The following NCAPD3 variants were observed in gnomAD, a reference collection of about 807,000 sequenced individuals.
The protein encoded by NCAPD3 is non-SMC condensin II complex subunit D3.
NCAPD3 carries 105 observed loss-of-function variants against 182.9 expected under a neutral mutation model. The observed-to-expected ratio is 0.57, with a 90% CI of 0.49 to 0.68. The LOEUF (loss-of-function observed/expected upper bound fraction) is 0.68, where lower values mean the gene tolerates loss of function less well. Among genes scored for constraint, NCAPD3 ranks in the 30% least tolerant of loss-of-function variants. The pLI, the probability that NCAPD3 is intolerant of heterozygous loss-of-function variation, is 0.00. For synonymous variants in NCAPD3, 815 were observed against 679.9 expected (o/e 1.20, Z -3.09); for missense variants, 1,944 against 1,837.0 (o/e 1.06, Z -1.07).
intron 3 of NCAPD3, among the ~76,000 whole-genome samples, chr11:134,213,075 C>T (rs1591863062): frequency 6.6e-6 from 1 of 152,172 alleles, no homozygotes; most frequent in African/African-American, 2.4e-5. Context: ...TGCTTACAAT[C>T]CCAGCCCTTT....
intron 32 of NCAPD3, among the ~76,000 whole-genome samples, chr11:134,156,454 C>T (rs775723191): frequency 1.1e-4 from 17 of 152,168 alleles, no homozygotes; most frequent in Non-Finnish European, 2.2e-4. Context: ...CAATATGAAG[C>T]TATCACACAA....
rs1358335735 is a variant in NCAPD3 at position 134,153,236 on chromosome 11, C to T, written c.4328-36G>A. 61 of 1,613,840 alleles carry T rather than the reference C, an allele frequency of 3.8e-5. 1 individual carries two copies. In the East Asian group the frequency reaches 1.3e-3, roughly 35 times the overall value. ...GTCAAACAAACACATTCAGCTTTCC[C>T]AGAACCTCAAAGGCAGTGCATCTAT... On this transcript the variant is annotated intron_variant, in intron 33 of 34. Coordinates refer to ENST00000534548, the MANE Select transcript of NCAPD3 (RefSeq NM_015261.3).
chr11:134,176,081 C>T lies in NCAPD3; in HGVS notation c.3101+226G>A, dbSNP rs190689466. Among the ~76,000 whole-genome samples the T allele has an allele frequency of 4.3e-4, 65 of 152,180 alleles. No individual in the cohort carries two copies. In the East Asian group the frequency reaches 0.012, roughly 28 times the overall value. Reference sequence around the variant, plus strand: ...ACACTGTCAGCAAGTGCAGTCAATGCTGAGATTATTCAATGATGAATCTAA... The same window carrying T: ...ACACTGTCAGCAAGTGCAGTCAATGTTGAGATTATTCAATGATGAATCTAA... On this transcript the variant is annotated intron_variant, in intron 24 of 34. Transcript: ENST00000534548.
intron 19 of NCAPD3, chr11:134,182,984 C>T: frequency 2.5e-6 from 1 of 402,002 alleles, no homozygotes; most frequent in Non-Finnish European, 4.9e-6. Context: ...GTAGTAAGCC[C>T]CACCCGCTTC....
chr11:134,165,144 C>A (rs1294901041), intron 27 of NCAPD3, among the ~76,000 whole-genome samples: 1 of 150,610 alleles, frequency 6.6e-6, no homozygotes, highest in Non-Finnish European at 1.5e-5. Context: ...GGGAGCAGCA[C>A]ACTCACTTGT....
chr11:134,185,281 C>A, intron 17 of NCAPD3, 54 bp downstream of exon 17: 2 of 1,461,314 alleles, frequency 1.4e-6, no homozygotes, highest in African/African-American at 2.8e-5. Flanking sequence ...AAGTCTTGGG[C>A]TTTGTTTCTA....
At chr11:134,205,026 A>C in intron 8 of NCAPD3, 55 bp from the exon 9 acceptor site, 4 of 1,282,810 alleles carry the variant, frequency 3.1e-6, no homozygotes, top group South Asian at 2.4e-5. Flanking sequence ...GACTGTCCCC[A>C]AAAACCACTA....
intron 16 of NCAPD3, among the ~76,000 whole-genome samples, chr11:134,190,580 G>C (rs956990411): frequency 6.6e-6 from 1 of 152,116 alleles, no homozygotes; most frequent in Non-Finnish European, 1.5e-5. Context: ...TCCACCTCCT[G>C]GGCTGAAGCG....
intron 32 of NCAPD3, 24 bp from the exon 33 acceptor site, chr11:134,153,387 G>T: frequency 6.2e-7 from 1 of 1,606,054 alleles, no homozygotes. Context: ...AGACACCACT[G>T]AGTGAAAGCC....
chr11:134,216,537 T>C (rs897417404), intron 3 of NCAPD3, among the ~76,000 whole-genome samples: 1 of 152,092 alleles, frequency 6.6e-6, no homozygotes, highest in African/African-American at 2.4e-5. Flanking sequence ...AGAATGGTTT[T>C]AATCTATTTT....
chr11:134,218,098 C>CAAA (rs1383290956), intron 2 of NCAPD3, among the ~76,000 whole-genome samples: 1 of 45,960 alleles, frequency 2.2e-5, no homozygotes, highest in Non-Finnish European at 3.8e-5. Context: ...ACCCTGGTCT[C>CAAA]AAAAAAAAAA....
chr11:134,181,271 A>C (rs914006911), intron 19 of NCAPD3, 87 bp from the exon 20 acceptor site: 39 of 850,026 alleles, frequency 4.6e-5, no homozygotes, highest in East Asian at 1.3e-4. Flanking sequence ...AGAAACTATG[A>C]TCTTCAAATG....
intron 1 of NCAPD3, among the ~76,000 whole-genome samples, chr11:134,221,679 G>A (rs777266231): frequency 6.6e-6 from 1 of 152,148 alleles, no homozygotes; most frequent in Non-Finnish European, 1.5e-5. Flanking sequence ...AAAAGTATTT[G>A]TTCACCACTG....
At position 134,206,744 on chromosome 11, in the gene NCAPD3, A is replaced by C; in HGVS notation, c.883-12T>G. On this transcript the variant is annotated splice_polypyrimidine_tract_variant and intron_variant, in intron 7 of 34. Transcript: ENST00000534548. Reference sequence around the variant, plus strand: ...ACACAACTGATGACCTAGAAGAGAAAAGAAAATTCAATTTAAGATCGGATG... The same window carrying C: ...ACACAACTGATGACCTAGAAGAGAACAGAAAATTCAATTTAAGATCGGATG... The C allele has an allele frequency of 6.3e-7, 1 of 1,596,740 alleles. No individual in the cohort carries two copies.
At chr11:134,206,503 G>A in intron 8 of NCAPD3, 96 bp downstream of exon 8, 1 of 1,515,072 alleles carries the variant, frequency 6.6e-7, no homozygotes, top group Middle Eastern at 1.7e-4. Flanking sequence ...CATCAGGCCA[G>A]AAATTTTAAG....
rs902014476 is a variant in NCAPD3, at chr11:134,181,196, C to G, written c.2452-12G>C. On this transcript the variant is annotated splice_polypyrimidine_tract_variant and intron_variant, in intron 19 of 34. Coordinates refer to ENST00000534548, the MANE Select transcript of NCAPD3 (RefSeq NM_015261.3). ...TGCGTCAGCAATTCCTACGGCAAGT[C>G]AAAAGTCATCTCTGAAGGGCCCCGC... The G allele has an allele frequency of 1.9e-6, 3 of 1,595,502 alleles. No homozygotes were observed. Among genetic ancestry groups the G allele is most frequent in the East Asian group, 2.2e-5 (1 of 44,806 alleles).
Position 134,204,494 on chromosome 11 carries a change from G to C in NCAPD3, c.1090-323C>G, listed in dbSNP as rs1407230476. ...AATGTAGAGATCATCATGGAAATTTGAACACTGGATGTTTGATAATATTAA... is the reference window on the plus strand; with the variant it reads ...AATGTAGAGATCATCATGGAAATTTCAACACTGGATGTTTGATAATATTAA... On this transcript the variant is annotated intron_variant, in intron 9 of 34. Transcript: ENST00000534548. The surrounding 1 kb of genome is among the most constrained non-coding windows in gnomAD (Gnocchi z 4.3). Among the ~76,000 whole-genome samples the C allele has an allele frequency of 6.6e-6, 1 of 152,158 alleles. No individual in the cohort carries two copies.
At chr11:134,208,295 G>A (rs917216095) in intron 7 of NCAPD3, among the ~76,000 whole-genome samples, 5 of 152,138 alleles carry the variant, frequency 3.3e-5, no homozygotes, top group Admixed American at 6.5e-5. Context: ...AGCATCATGC[G>A]CAACTAACTC....
intron 27 of NCAPD3, among the ~76,000 whole-genome samples, chr11:134,167,694 A>G (rs1302147004): frequency 1.6e-5 from 2 of 128,282 alleles, no homozygotes; most frequent in Non-Finnish European, 3.2e-5. Context: ...GGGGAGGGGC[A>G]CACTCACTAG....
Sources: gnomAD v4.1 joint callset for allele counts (sites outside exome capture counted in the v4.1 genomes callset) on GRCh38, gnomAD v4.1.1 for gene constraint, Gnocchi (gnomAD v3.1) non-coding constraint, MANE v1.5 for transcripts, NCBI Gene and HGNC (gene_info 2026-07-23, HGNC 2026-07-21) for gene names.